The following SLC35F3 variants were observed in gnomAD, a reference collection of about 807,000 sequenced individuals.
The protein encoded by SLC35F3 is putative thiamine transporter SLC35F3.
SLC35F3 carries 25 observed loss-of-function variants against 49.9 expected under a neutral mutation model. The ratio of observed to expected loss-of-function variants is 0.50; its 90% CI spans 0.37 to 0.70. The LOEUF is 0.70. Among genes scored for constraint, SLC35F3 ranks in the 30% least tolerant of loss-of-function variants. The pLI, the probability that SLC35F3 is intolerant of heterozygous loss-of-function variation, is 0.00. For missense variants in SLC35F3, 525 were observed against 639.8 expected (o/e 0.82, Z 1.94); for synonymous variants, 275 against 265.4 (o/e 1.04, Z -0.35).
chr1:234,079,881 A>G (rs112338835), intron 2 of SLC35F3, among the ~76,000 whole-genome samples: 54 of 152,324 alleles, frequency 3.5e-4, no homozygotes, highest in African/African-American at 1.1e-3. Flanking sequence ...ATAAAAAGAC[A>G]CAATATATTT....
In SLC35F3 at chr1:234,140,533, G is replaced by C. The variant is rs188802286; in HGVS notation, c.284-90884G>C. The stretch of plus-strand genomic sequence containing the variant: ...TTTCACCCATCCAGTGGGGGGTCTT[G>C]GAACATATCCCCATAGATAAGGGTG... On this transcript the variant is annotated intron_variant, in intron 2 of 7. Coordinates refer to ENST00000366618, the MANE Select transcript of SLC35F3 (RefSeq NM_173508.4). 2.8e-3 allele frequency among the ~76,000 whole-genome samples: 427 copies of C among 152,268 alleles called. 3 individuals carry two copies. Among genetic ancestry groups the C allele is most frequent in the African/African-American group, 9.9e-3 (412 of 41,546 alleles).
At chr1:234,226,087 C>CT (rs1667281426) in intron 2 of SLC35F3, among the ~76,000 whole-genome samples, 1 of 152,176 alleles carries the variant, frequency 6.6e-6, no homozygotes, top group Non-Finnish European at 1.5e-5. Context: ...CAAAATGATA[C>CT]TATGGTAATG....
At chr1:234,072,554 A>T (rs75242684) in intron 2 of SLC35F3, among the ~76,000 whole-genome samples, 4,179 of 152,314 alleles carry the variant, frequency 0.027, 261 homozygotes, top group East Asian at 0.26. Flanking sequence ...CCTGGGACAG[A>T]CAGGAGAACT....
intron 3 of SLC35F3, among the ~76,000 whole-genome samples, chr1:234,296,571 T>C (rs12042894): frequency 0.027 from 4,045 of 152,342 alleles, 370 homozygotes; most frequent in East Asian, 0.18. Flanking sequence ...CAGTCATCTC[T>C]GTCTTTGCCA....
At chr1:233,949,552 C>T (rs139257198) in intron 2 of SLC35F3, among the ~76,000 whole-genome samples, 9 of 152,280 alleles carry the variant, frequency 5.9e-5, no homozygotes. Context: ...GGGAGATCAC[C>T]ATGGCTGGTG....
At chr1:234,271,221 T>A (rs1668098454) in intron 3 of SLC35F3, among the ~76,000 whole-genome samples, 1 of 152,208 alleles carries the variant, frequency 6.6e-6, no homozygotes, top group Non-Finnish European at 1.5e-5. Context: ...CCCCAATCAT[T>A]ACTACTGAGA....
At chr1:234,154,731 G>A (rs2102910372) in intron 2 of SLC35F3, among the ~76,000 whole-genome samples, 1 of 152,270 alleles carries the variant, frequency 6.6e-6, no homozygotes, top group Non-Finnish European at 1.5e-5. Flanking sequence ...AATAATGTAG[G>A]CATGGGATGC....
intron 2 of SLC35F3, among the ~76,000 whole-genome samples, chr1:234,024,070 T>C (rs1321030158): frequency 1.3e-5 from 2 of 152,178 alleles, no homozygotes; most frequent in Non-Finnish European, 2.9e-5. Flanking sequence ...TGTATTTAAT[T>C]GATTCACCAC....
rs80166709 is a variant in SLC35F3, at chr1:233,983,901, G to A, written c.283+78143G>A. 5.5e-3 allele frequency among the ~76,000 whole-genome samples: 835 copies of A among 152,276 alleles called. 5 individuals carry two copies. Among genetic ancestry groups the A allele is most frequent in the African/African-American group, 0.019 (799 of 41,554 alleles). On this transcript the variant is annotated intron_variant, in intron 2 of 7. Coordinates refer to ENST00000366618, the MANE Select transcript of SLC35F3 (RefSeq NM_173508.4). ...ATCAGTGCTTCCTGAACTGAACTAA[G>A]ACCACATGGTATGACACCAAGATAC... is the stretch of plus-strand genomic sequence containing the variant.
At chr1:233,945,920 G>A (rs770531426) in intron 2 of SLC35F3, among the ~76,000 whole-genome samples, 3 of 152,198 alleles carry the variant, frequency 2.0e-5, no homozygotes, top group Non-Finnish European at 4.4e-5. Flanking sequence ...GACTAATACA[G>A]ATACATTCAA....
At chr1:233,974,053 G>A (rs1449608996) in intron 2 of SLC35F3, among the ~76,000 whole-genome samples, 1 of 151,678 alleles carries the variant, frequency 6.6e-6, no homozygotes, top group African/African-American at 2.4e-5. Flanking sequence ...TTTGCTTATT[G>A]AATAGAAACT....
rs1217878545 is a variant in SLC35F3 at position 233,959,589 on chromosome 1, GTCAGTCA to G, written c.283+53832_283+53838del. 2.8e-3 allele frequency among the ~76,000 whole-genome samples: 420 copies of G among 152,288 alleles called. 1 individual carries two copies. Among genetic ancestry groups the G allele is most frequent in the African/African-American group, 9.6e-3 (397 of 41,570 alleles). On this transcript the variant is annotated intron_variant, in intron 2 of 7. Transcript: ENST00000366618. ...TTTGATCCTTGTGAGTACCATGAATGTCAGTCAGGTTTTAAGACTAAATGGGTAGAAA... is the reference window on the plus strand; with the variant it reads ...TTTGATCCTTGTGAGTACCATGAATGGGTTTTAAGACTAAATGGGTAGAAA...
intron 4 of SLC35F3, among the ~76,000 whole-genome samples, chr1:234,316,287 C>T (rs1292129419): frequency 5.9e-5 from 9 of 152,250 alleles, no homozygotes; most frequent in Non-Finnish European, 1.2e-4. Flanking sequence ...CCTGCCACTG[C>T]AACTATGACC....
At chr1:234,176,649 G>A (rs1666480360) in intron 2 of SLC35F3, among the ~76,000 whole-genome samples, 1 of 152,082 alleles carries the variant, frequency 6.6e-6, no homozygotes, top group Non-Finnish European at 1.5e-5. Flanking sequence ...GGAGCTGAGG[G>A]GGTAGCCTTC....
chr1:234,319,826 C>T (rs1280026583), intron 6 of SLC35F3, among the ~76,000 whole-genome samples: 1 of 152,198 alleles, frequency 6.6e-6, no homozygotes, highest in Non-Finnish European at 1.5e-5. Flanking sequence ...GTAAGATGGT[C>T]CCAGTCACCT....
rs929118905 is a variant in SLC35F3, at chr1:234,068,677, G to A, written c.284-162740G>A. Among the ~76,000 whole-genome samples, 3 of 151,602 alleles carry A rather than the reference G, an allele frequency of 2.0e-5. No individual in the cohort carries two copies. The Admixed American group carries it at 2.0e-4, about 10-fold the overall frequency. ...GAGGTGTGTGTGTGAGCAAGCATGT[G>A]TGTGTGCATGTGTGCATGCAGTAAG... On this transcript the variant is annotated intron_variant, in intron 2 of 7. Coordinates refer to ENST00000366618, the MANE Select transcript of SLC35F3 (RefSeq NM_173508.4).
rs779347805 is a variant in SLC35F3 at position 233,905,680 on chromosome 1, G to C, written c.205G>C (p.Gly69Arg). 1 of 1,614,220 alleles carries C rather than the reference G, an allele frequency of 6.2e-7. No homozygotes were observed. The highest frequency in any genetic ancestry group is 2.2e-5 in the East Asian group (1 of 44,878). The change falls in exon 2 of 8, where the codon GGG becomes CGG. Residue 69 changes from glycine to arginine, a missense_variant. Around this residue, in one of 4 missense-constraint regions of SLC35F3, gnomAD observed 228 missense variants for 218.9 expected, o/e 1.04. Coordinates refer to ENST00000366618, the MANE Select transcript of SLC35F3 (RefSeq NM_173508.4). The stretch of plus-strand genomic sequence containing the variant: ...GGAGGATCTCACCAGCGGGCCGGTG[G>C]GGCTCACGTCCATCGAGGAGCGGAT... ...SVEDLTSGPV[G>R]LTSIEERILR...
At chr1:233,992,741 A>T (rs1305697693) in intron 2 of SLC35F3, among the ~76,000 whole-genome samples, 1 of 152,198 alleles carries the variant, frequency 6.6e-6, no homozygotes, top group Admixed American at 6.5e-5. Context: ...ATCCAAATAT[A>T]CAATGATTCT....
At chr1:233,905,932 G>A (rs1661769441) in intron 2 of SLC35F3, among the ~76,000 whole-genome samples, 174 bp downstream of exon 2, 1 of 152,232 alleles carries the variant, frequency 6.6e-6, no homozygotes, top group Non-Finnish European at 1.5e-5. Context: ...GAGTTCTCCT[G>A]GACCTCTGAG....
Sources: allele counts gnomAD v4.1 joint callset (sites outside exome capture counted in the v4.1 genomes callset), GRCh38; gene constraint gnomAD v4.1.1; regional missense constraint gnomAD v4.1.1; transcripts MANE v1.5; gene names NCBI Gene and HGNC (gene_info 2026-07-23, HGNC 2026-07-21).